CATSPERB: variants seen among roughly 807,000 people sequenced by gnomAD.
CATSPERB encodes catsper channel auxiliary subunit beta.
Under a neutral mutation model 128.3 loss-of-function variants are expected in CATSPERB, and 93 were observed. The observed-to-expected ratio is 0.72, with a 90% CI of 0.61 to 0.86. The LOEUF (loss-of-function observed/expected upper bound fraction) is 0.86, where lower values mean the gene tolerates loss of function less well. Among genes scored for constraint, CATSPERB ranks in the 40% least tolerant of loss-of-function variants. The probability of loss-of-function intolerance (pLI) is 0.00; values close to 1 mark genes in which losing one functional copy is unlikely to be tolerated. For missense variants in CATSPERB, 1,153 were observed against 1,329.5 expected (o/e 0.87, Z 2.06); for synonymous variants, 381 against 448.8 (o/e 0.85, Z 1.91).
chr14:91,610,170 T>A (rs1326848487), intron 21 of CATSPERB, among the ~76,000 whole-genome samples: 1 of 152,198 alleles, frequency 6.6e-6, no homozygotes, highest in Non-Finnish European at 1.5e-5. Context: ...AGGCTAATTG[T>A]ATCAGCTTAG....
intron 13 of CATSPERB, among the ~76,000 whole-genome samples, chr14:91,671,826 T>C (rs1293621962): frequency 2.6e-5 from 4 of 151,942 alleles, no homozygotes; most frequent in East Asian, 1.9e-4. Flanking sequence ...GGTCAGGAGA[T>C]CGAGACCACG....
chr14:91,587,412 C>T (rs1033210236), intron 25 of CATSPERB, 136 bp from the exon 26 acceptor site: 21 of 416,622 alleles, frequency 5.0e-5, no homozygotes, highest in South Asian at 7.0e-5. Context: ...CTAAGGCTCT[C>T]GGACATACAC....
chr14:91,726,873 C>T (rs968501682), intron 2 of CATSPERB, among the ~76,000 whole-genome samples: 1 of 152,076 alleles, frequency 6.6e-6, no homozygotes, highest in Admixed American at 6.6e-5. Flanking sequence ...CTTTCTACAA[C>T]GCTGGAGCAG....
intron 15 of CATSPERB, among the ~76,000 whole-genome samples, chr14:91,646,863 C>T (rs977530415): frequency 6.6e-6 from 1 of 152,158 alleles, no homozygotes; most frequent in African/African-American, 2.4e-5. Flanking sequence ...GCTTCTTTCC[C>T]CCCTAGATAC....
chr14:91,705,822 T>G (rs1895723372), intron 6 of CATSPERB, among the ~76,000 whole-genome samples: 1 of 152,222 alleles, frequency 6.6e-6, no homozygotes, highest in South Asian at 2.1e-4. Flanking sequence ...ACAATGAGCC[T>G]TTCGAAAGAA....
rs144904947 is a variant in CATSPERB, at chr14:91,617,380, A to G, written c.2400+217T>C. On this transcript the variant is annotated intron_variant, in intron 20 of 26. Transcript: ENST00000256343. Reference sequence around the variant, plus strand: ...TTTTTCTTTTAAGTTTGATAAATATATAAGTAATTACTAAAAATATTATGT... The same window carrying G: ...TTTTTCTTTTAAGTTTGATAAATATGTAAGTAATTACTAAAAATATTATGT... Among the ~76,000 whole-genome samples the G allele has an allele frequency of 4.7e-3, 715 of 152,328 alleles. 3 individuals are homozygous for G. Among genetic ancestry groups the G allele is most frequent in the African/African-American group, 0.016 (680 of 41,574 alleles).
intron 3 of CATSPERB, among the ~76,000 whole-genome samples, chr14:91,723,764 C>T (rs77552255): frequency 0.04 from 6,076 of 152,202 alleles, 419 homozygotes; most frequent in African/African-American, 0.14. Context: ...TGAGCCCTTC[C>T]TATGAATGGT....
intron 5 of CATSPERB, among the ~76,000 whole-genome samples, chr14:91,715,897 A>C (rs1490507470): frequency 1.3e-5 from 2 of 152,204 alleles, no homozygotes; most frequent in Admixed American, 1.3e-4. Context: ...CCAAAAAATT[A>C]ACATTGGCCC....
chr14:91,667,936 G>A (rs1895015993), intron 14 of CATSPERB, among the ~76,000 whole-genome samples: 2 of 152,042 alleles, frequency 1.3e-5, no homozygotes, highest in Admixed American at 1.3e-4. Context: ...GTTTCCTCTA[G>A]GACCAAGGCC....
intron 17 of CATSPERB, among the ~76,000 whole-genome samples, chr14:91,629,595 G>T (rs1362222875): frequency 2.6e-5 from 4 of 152,248 alleles, no homozygotes; most frequent in African/African-American, 9.6e-5. Context: ...GATGTGGATA[G>T]TGGGGAAGGT....
intron 11 of CATSPERB, among the ~76,000 whole-genome samples, chr14:91,679,863 G>A (rs375636226): frequency 6.6e-6 from 1 of 152,248 alleles, no homozygotes; most frequent in African/African-American, 2.4e-5. Context: ...CCAGCCTCTT[G>A]AAAATGTCCT....
rs544452488 is a variant in CATSPERB, at chr14:91,616,148, TG to T, written c.2400+1448del. Among the ~76,000 whole-genome samples, 4 of 152,324 alleles carry T rather than the reference TG, an allele frequency of 2.6e-5. No individual in the cohort carries two copies. In the South Asian group the frequency reaches 8.3e-4, roughly 32 times the overall value. On this transcript the variant is annotated intron_variant, in intron 20 of 26. Coordinates refer to ENST00000256343, the MANE Select transcript of CATSPERB (RefSeq NM_024764.4). Reference sequence around the variant, plus strand: ...CGCCCACCTTGGCCTCCCAAAGTGCTGGGATTGCAGGCGTGAGCCACTGCAC... The same window carrying T: ...CGCCCACCTTGGCCTCCCAAAGTGCTGGATTGCAGGCGTGAGCCACTGCAC...
chr14:91,636,646 G>GT, intron 16 of CATSPERB, 67 bp from the exon 17 acceptor site: 1 of 1,355,090 alleles, frequency 7.4e-7, no homozygotes, highest in Non-Finnish European at 1.0e-6. Flanking sequence ...CAAAATTGAA[G>GT]TCACAGATTT....
At chr14:91,602,673 A>G (rs1280460551) in intron 22 of CATSPERB, among the ~76,000 whole-genome samples, 1 of 152,196 alleles carries the variant, frequency 6.6e-6, no homozygotes, top group Non-Finnish European at 1.5e-5. Context: ...AAAAATACTT[A>G]TTCCTTATCA....
At chr14:91,618,361 A>G (rs1011565068) in intron 19 of CATSPERB, among the ~76,000 whole-genome samples, 14 of 152,230 alleles carry the variant, frequency 9.2e-5, no homozygotes, top group South Asian at 2.1e-4. Flanking sequence ...CCATCTGGGA[A>G]TGCAACCCAG....
At chr14:91,678,279 A>C (rs1895225360) in intron 11 of CATSPERB, among the ~76,000 whole-genome samples, 1 of 152,248 alleles carries the variant, frequency 6.6e-6, no homozygotes, top group South Asian at 2.1e-4. Context: ...AGACTGCTTT[A>C]GCCAAATTTT....
chr14:91,596,889 A>ATT (rs35535316), intron 22 of CATSPERB, among the ~76,000 whole-genome samples: 9 of 144,050 alleles, frequency 6.2e-5, no homozygotes, highest in South Asian at 2.2e-4. Flanking sequence ...AAAAGACATA[A>ATT]TTTTTTTTTT....
chr14:91,708,283 G>A (rs1239194980), intron 5 of CATSPERB, 47 bp from the exon 6 acceptor site: 1 of 1,252,656 alleles, frequency 8.0e-7, no homozygotes, highest in East Asian at 2.4e-5. Context: ...TTCATATGTT[G>A]TGTTTGGTGA....
intron 20 of CATSPERB, among the ~76,000 whole-genome samples, chr14:91,616,671 C>T (rs1326001055): frequency 6.7e-6 from 1 of 148,930 alleles, no homozygotes; most frequent in Non-Finnish European, 1.5e-5. Flanking sequence ...ATATTAAGAA[C>T]ATGGTATAAA....
Sources: allele counts gnomAD v4.1 joint callset (sites outside exome capture counted in the v4.1 genomes callset), GRCh38; gene constraint gnomAD v4.1.1; transcripts MANE v1.5; gene names NCBI Gene and HGNC (gene_info 2026-07-23, HGNC 2026-07-21).